The following HTATIP2 variants were observed in gnomAD, a reference collection of about 807,000 sequenced individuals.
The protein encoded by HTATIP2 is protein HTATIP2.
Under a neutral mutation model 24.7 loss-of-function variants are expected in HTATIP2, and 26 were observed. The observed-to-expected ratio is 1.05, with a 90% CI of 0.77 to 1.46. The LOEUF (loss-of-function observed/expected upper bound fraction) is 1.46. Ranked by LOEUF, HTATIP2 falls within the 40% of genes most tolerant of loss-of-function variation. HTATIP2 has a pLI of 0.00. For synonymous variants in HTATIP2, 99 were observed against 113.2 expected (o/e 0.87, Z 0.79); for missense variants, 284 against 289.6 (o/e 0.98, Z 0.14).
chr11:20,378,323 A>G (rs1382315694), intron 3 of HTATIP2, among the ~76,000 whole-genome samples: 1 of 151,924 alleles, frequency 6.6e-6, no homozygotes, highest in Non-Finnish European at 1.5e-5. Context: ...TTTTTTTTAG[A>G]GTCAAAGTCT....
intron 3 of HTATIP2, among the ~76,000 whole-genome samples, chr11:20,380,408 C>A (rs1244236484): frequency 2.0e-5 from 3 of 152,154 alleles, no homozygotes; most frequent in Non-Finnish European, 4.4e-5. Flanking sequence ...CGCGGTGGCT[C>A]ACGCCTGTAA....
intron 3 of HTATIP2, among the ~76,000 whole-genome samples, chr11:20,381,575 A>G (rs899382275): frequency 3.9e-5 from 6 of 152,166 alleles, no homozygotes; most frequent in South Asian, 4.1e-4. Flanking sequence ...ACAGGCCAAG[A>G]AGGAGGCGTG....
intron 3 of HTATIP2, 26 bp downstream of exon 3, chr11:20,376,743 A>G (rs752735421): frequency 1.3e-6 from 2 of 1,585,554 alleles, no homozygotes; most frequent in South Asian, 1.1e-5. Flanking sequence ...TGTTTTTCAT[A>G]CACTTTGGAG....
intron 2 of HTATIP2, chr11:20,367,671 G>A: frequency 8.6e-7 from 1 of 1,161,534 alleles, no homozygotes; most frequent in Admixed American, 4.4e-5. Context: ...TGTCTCACTT[G>A]AGTGATTTGC....
intron 3 of HTATIP2, among the ~76,000 whole-genome samples, chr11:20,378,185 C>T (rs1848471682): frequency 6.6e-6 from 1 of 152,054 alleles, no homozygotes; most frequent in Non-Finnish European, 1.5e-5. Flanking sequence ...TCTCACCTAT[C>T]CTAAAATAGT....
intron 3 of HTATIP2, among the ~76,000 whole-genome samples, chr11:20,378,914 GT>G (rs1440347783): frequency 6.6e-6 from 1 of 152,206 alleles, no homozygotes; most frequent in African/African-American, 2.4e-5. Flanking sequence ...GTGTATGCCT[GT>G]AATCCCAGCT....
Position 20,364,178 on chromosome 11 carries a change from T to A in HTATIP2, c.-60T>A. 6.6e-7 allele frequency: 1 copy of A among 1,525,400 alleles called. No homozygotes were observed. The highest frequency in any genetic ancestry group is 8.8e-7 in the Non-Finnish European group (1 of 1,133,710). 94.5% of individuals were successfully genotyped at this position (1,525,400 alleles called of 1,614,324 possible). On this transcript the variant is annotated 5_prime_UTR_variant, in exon 1 of 5. Coordinates refer to ENST00000451739, the MANE Select transcript of HTATIP2 (RefSeq NM_001098522.2). Reference sequence around the variant, plus strand: ...GATAAACAGCCCTTGTTCCTCGGGATAAGGACTGGCAGTCCCCTGACACCC... The same window carrying A: ...GATAAACAGCCCTTGTTCCTCGGGAAAAGGACTGGCAGTCCCCTGACACCC...
intron 3 of HTATIP2, among the ~76,000 whole-genome samples, chr11:20,378,854 G>A (rs113161295): frequency 0.082 from 12,440 of 152,056 alleles, 699 homozygotes; most frequent in Admixed American, 0.17. Flanking sequence ...CCTGGGAAAC[G>A]TGGCAAAACC....
chr11:20,382,624 CAG>C (rs1482719747), intron 4 of HTATIP2, among the ~76,000 whole-genome samples: 1 of 152,122 alleles, frequency 6.6e-6, no homozygotes, highest in Non-Finnish European at 1.5e-5. Context: ...AAGGTGCCCT[CAG>C]GGTTGGTGTC....
chr11:20,366,781 C>T (rs1231682864), intron 1 of HTATIP2, among the ~76,000 whole-genome samples: 1 of 152,150 alleles, frequency 6.6e-6, no homozygotes, highest in African/African-American at 2.4e-5. Context: ...TAACTACATG[C>T]CTAGTGAGTG....
At chr11:20,365,725 G>A (rs1194549845) in intron 1 of HTATIP2, among the ~76,000 whole-genome samples, 2 of 151,768 alleles carry the variant, frequency 1.3e-5, no homozygotes, top group African/African-American at 2.4e-5. Context: ...TAATCCCAGA[G>A]CTTTGGGAGT....
Position 20,378,845 on chromosome 11 carries a change from C to T in HTATIP2, c.441+2128C>T, listed in dbSNP as rs1848479994. Reference sequence around the variant, plus strand: ...TTGAGGCTGGGAGTTTGAAACCAGCCTGGGAAACGTGGCAAAACCCTGTCT... The same window carrying T: ...TTGAGGCTGGGAGTTTGAAACCAGCTTGGGAAACGTGGCAAAACCCTGTCT... On this transcript the variant is annotated intron_variant, in intron 3 of 4. Coordinates refer to ENST00000451739, the MANE Select transcript of HTATIP2 (RefSeq NM_001098522.2). Among the ~76,000 whole-genome samples the T allele has an allele frequency of 2.0e-5, 3 of 152,212 alleles. No individual in the cohort carries two copies. In the South Asian group the frequency reaches 6.2e-4, roughly 32 times the overall value.
rs771399529 is a variant in HTATIP2 at position 20,364,434 on chromosome 11, TGGGTATTTCAGCTG to T, written c.195+5_195+18del. 7 of 1,601,392 alleles carry T rather than the reference TGGGTATTTCAGCTG, an allele frequency of 4.4e-6. No homozygotes were observed. In the Admixed American group the frequency reaches 1.2e-4, roughly 27 times the overall value. On this transcript the variant is annotated splice_donor_5th_base_variant and intron_variant, in intron 1 of 4. Coordinates refer to ENST00000451739, the MANE Select transcript of HTATIP2 (RefSeq NM_001098522.2). Reference sequence around the variant, plus strand: ...GACGAGGAAGCTTATAAAAATGTGGTGGGTATTTCAGCTGGGACTCAAATGGACCCCCAGGATTC... The same window carrying T: ...GACGAGGAAGCTTATAAAAATGTGGTGGACTCAAATGGACCCCCAGGATTC...
intron 2 of HTATIP2, among the ~76,000 whole-genome samples, chr11:20,373,580 TAATC>T (rs2064794462): frequency 6.6e-6 from 1 of 152,286 alleles, no homozygotes; most frequent in African/African-American, 2.4e-5. Context: ...ACTACTATAA[TAATC>T]CTTCCAATCA....
chr11:20,366,752 AT>A (rs2133263940), intron 1 of HTATIP2, among the ~76,000 whole-genome samples: 1 of 152,244 alleles, frequency 6.6e-6, no homozygotes, highest in African/African-American at 2.4e-5. Flanking sequence ...GCTGTAGTGT[AT>A]GATGAATAAT....
chr11:20,383,462 G>A lies in HTATIP2; in HGVS notation c.*257G>A. ...TTGAATCAAAATTTCTGGGGTGTGG[G>A]CACAATAATCTGTAATTTTCTTTGT... On this transcript the variant is annotated 3_prime_UTR_variant, in exon 5 of 5. Coordinates refer to ENST00000451739, the MANE Select transcript of HTATIP2 (RefSeq NM_001098522.2). 2 of 459,946 alleles carry A rather than the reference G, an allele frequency of 4.3e-6. No homozygotes were observed. The highest frequency in any genetic ancestry group is 3.9e-5 in the Admixed American group (1 of 25,692). The allele number at this position is 459,946 out of a possible 1,614,324, so 28.5% of individuals were successfully genotyped here. A position where few individuals can be genotyped will look rare whatever the true frequency, so the allele number is the denominator to read the frequency against.
At chr11:20,369,236 C>T (rs1185791284) in intron 2 of HTATIP2, among the ~76,000 whole-genome samples, 9 of 152,264 alleles carry the variant, frequency 5.9e-5, no homozygotes, top group Non-Finnish European at 1.2e-4. Context: ...GGGTCAGCAG[C>T]CCTCTCTGTA....
At chr11:20,380,311 C>T (rs147917690) in intron 3 of HTATIP2, among the ~76,000 whole-genome samples, 7 of 152,354 alleles carry the variant, frequency 4.6e-5, no homozygotes, top group African/African-American at 1.4e-4. Context: ...CTAAGGATAG[C>T]AGTCTCAGCC....
At chr11:20,367,010 T>G (rs1006409741) in intron 1 of HTATIP2, among the ~76,000 whole-genome samples, 164 bp from the exon 2 acceptor site, 1 of 152,238 alleles carries the variant, frequency 6.6e-6, no homozygotes, top group Non-Finnish European at 1.5e-5. Context: ...GATTTTCAAC[T>G]GAGGTTCATT....
Sources: allele counts gnomAD v4.1 joint callset (sites outside exome capture counted in the v4.1 genomes callset), GRCh38; gene constraint gnomAD v4.1.1; transcripts MANE v1.5; gene names NCBI Gene and HGNC (gene_info 2026-07-23, HGNC 2026-07-21).